SLC26A2: variants seen among roughly 807,000 people sequenced by gnomAD.
SLC26A2 encodes the protein sulfate transporter.
Under a neutral mutation model 41.1 loss-of-function variants are expected in SLC26A2, and 36 were observed. The observed-to-expected ratio is 0.88, with a 90% CI of 0.67 to 1.16. The LOEUF (loss-of-function observed/expected upper bound fraction) is 1.16, where lower values mean the gene tolerates loss of function less well. SLC26A2 is among the 50% of genes most tolerant of loss of function. The pLI is 0.00. For synonymous variants in SLC26A2, 291 were observed against 311.6 expected, an observed-to-expected ratio of 0.93 and a Z score of 0.70; for missense variants, 796 against 869.6, an observed-to-expected ratio of 0.92 and a Z score of 1.07.
At position 149,986,872 on chromosome 5, in the gene SLC26A2, CT is replaced by C. The variant is rs1755208436; in HGVS notation, c.*5061del. ...ATAAGATACATGGGATCAAATAGCC[CT>C]TGCCTTTTCAACACAAATCAGTTGG... On this transcript the variant is annotated 3_prime_UTR_variant, in exon 3 of 3. Transcript: ENST00000286298. 1 of 152,180 alleles carries C rather than the reference CT, an allele frequency of 6.6e-6. No homozygotes were observed. The highest frequency in any genetic ancestry group is 1.5e-5 in the Non-Finnish European group (1 of 68,038). The allele number at this position is 152,180 out of a possible 1,614,324, so 9.4% of individuals were successfully genotyped here.
rs1469731472 is a variant in SLC26A2 at position 149,978,258 on chromosome 5, A to G, written c.606A>G (p.Thr202=). The change falls in exon 2 of 3, where the codon ACA becomes ACG. Residue 202 remains threonine, a synonymous_variant. Coordinates refer to ENST00000286298, the MANE Select transcript of SLC26A2 (RefSeq NM_000112.4). ...TAGGAATGGTTTCAAATGGGAGCAC[A>G]TTATTAAATCATACATCAGACAGGA... ...PSLGMVSNGS[T]LLNHTSDRIC... 5 of 1,614,044 alleles carry G rather than the reference A, an allele frequency of 3.1e-6. No individual in the cohort carries two copies. Among genetic ancestry groups the G allele is most frequent in the African/African-American group, 1.3e-5 (1 of 74,950 alleles).
chr5:149,961,665 AT>A (rs1338387366), intron 1 of SLC26A2, among the ~76,000 whole-genome samples: 3 of 152,146 alleles, frequency 2.0e-5, no homozygotes, highest in Admixed American at 6.6e-5. Context: ...CAGAACTTAA[AT>A]TGCCTTCCGG....
Position 149,978,121 on chromosome 5 carries a change from T to A in SLC26A2, c.469T>A (p.Ser157Thr). Residue 157 changes from serine to threonine, a missense_variant, in exon 2 of 3, where the codon TCC becomes ACC. Physicochemically the swap from Ser to Thr is moderately conservative, Grantham distance 58 (BLOSUM62 1). Transcript: ENST00000286298. ...CATCATTTATTTTCTCTTGGGTACCTCCCGTCACATCTCTGTGGGCATTTT... is the reference window on the plus strand; with the variant it reads ...CATCATTTATTTTCTCTTGGGTACCACCCGTCACATCTCTGTGGGCATTTT... ...ASIIYFLLGT[S>T]RHISVGIFGV... 1 of 1,604,690 alleles carries A rather than the reference T, an allele frequency of 6.2e-7. No individual in the cohort carries two copies. The highest frequency in any genetic ancestry group is 1.7e-5 in the Admixed American group (1 of 59,236).
At chr5:149,969,178 G>GT (rs1389208662) in intron 1 of SLC26A2, among the ~76,000 whole-genome samples, 2 of 152,172 alleles carry the variant, frequency 1.3e-5, no homozygotes, top group African/African-American at 4.8e-5. Flanking sequence ...GATACTTCCT[G>GT]TATGTGCCTA....
Position 149,982,102 on chromosome 5 carries a change from T to G in SLC26A2, c.*289T>G, listed in dbSNP as rs1286641028. On this transcript the variant is annotated 3_prime_UTR_variant, in exon 3 of 3. Transcript: ENST00000286298. ...CTGTACTGTAAAGTAGCTCCAAAAC[T>G]TAATTACTCTCCTGTTTTAGGGGTT... 14 of 329,246 alleles carry G rather than the reference T, an allele frequency of 4.3e-5. No homozygotes were observed. In the East Asian group the frequency reaches 8.4e-4, roughly 20 times the overall value. The allele number at this position is 329,246 out of a possible 1,614,324, so 20.4% of individuals were successfully genotyped here.
In SLC26A2 at chr5:149,978,304, G is replaced by A; in HGVS notation, c.652G>A (p.Ala218Thr). ...SDRICDKSCY[A>T]IMVGSTVTFI... Reference sequence around the variant, plus strand: ...CAGGATATGTGACAAAAGTTGCTATGCAATTATGGTTGGCAGCACTGTAAC... The same window carrying A: ...CAGGATATGTGACAAAAGTTGCTATACAATTATGGTTGGCAGCACTGTAAC... The change falls in exon 2 of 3, where the codon GCA becomes ACA. Residue 218 changes from alanine (A) to threonine (T), a missense_variant. Coordinates refer to ENST00000286298, the MANE Select transcript of SLC26A2 (RefSeq NM_000112.4). 13 of 1,613,910 alleles carry A rather than the reference G, an allele frequency of 8.1e-6. No homozygotes were observed. The highest frequency in any genetic ancestry group is 1.1e-5 in the South Asian group (1 of 91,078).
At chr5:149,973,862 G>A (rs1271663979) in intron 1 of SLC26A2, among the ~76,000 whole-genome samples, 1 of 152,142 alleles carries the variant, frequency 6.6e-6, no homozygotes, top group Non-Finnish European at 1.5e-5. Flanking sequence ...TATTTCTGGG[G>A]TCAGATGTGG....
chr5:149,970,130 C>T (rs959888328), intron 1 of SLC26A2, among the ~76,000 whole-genome samples: 3 of 151,946 alleles, frequency 2.0e-5, no homozygotes, highest in African/African-American at 7.3e-5. Flanking sequence ...AAAATAAAGC[C>T]AGATAAGGAT....
chr5:149,963,765 G>A (rs146059271), intron 1 of SLC26A2, among the ~76,000 whole-genome samples: 335 of 32,354 alleles, frequency 0.01, 3 homozygotes, highest in African/African-American at 0.084. Context: ...TTTTTTTTGT[G>A]GAGACAAGAT....
chr5:149,978,028 T>C lies in SLC26A2; in HGVS notation c.376T>C (p.Ser126Pro), dbSNP rs1178654243. The change falls in exon 2 of 3, where the codon TCC becomes CCC. Residue 126 changes from serine to proline, a missense_variant. Transcript: ENST00000286298. ...LIVGILLVPQ[S>P]IAYSLLAGQE... ...TGTGGGCATATTATTGGTGCCCCAGTCCATTGCTTATTCCCTGCTGGCTGG... is the reference window on the plus strand; with the variant it reads ...TGTGGGCATATTATTGGTGCCCCAGCCCATTGCTTATTCCCTGCTGGCTGG... 3 of 1,614,064 alleles carry C rather than the reference T, an allele frequency of 1.9e-6. No homozygotes were observed. In the East Asian group the frequency reaches 6.7e-5, roughly 36 times the overall value.
In SLC26A2 at chr5:149,980,662, A is replaced by G; in HGVS notation, c.1069A>G (p.Asn357Asp). The change falls in exon 3 of 3, where the codon AAT (asparagine) becomes GAT (aspartate). Residue 357 changes from asparagine (N) to aspartate (D), a missense_variant. Asn to Asp is a conservative substitution (Grantham distance 23). Transcript: ENST00000286298. ...SHFGKLHENY[N>D]SSIAGHIPTG... ...TTTTGGAAAACTACATGAAAATTAT[A>G]ATTCTAGTATTGCTGGACATATTCC... is the stretch of plus-strand genomic sequence containing the variant. The G allele has an allele frequency of 6.2e-7, 1 of 1,614,024 alleles. No individual in the cohort carries two copies. The highest frequency in any genetic ancestry group is 8.5e-7 in the Non-Finnish European group (1 of 1,179,942).
Position 149,980,764 on chromosome 5 carries a change from A to C in SLC26A2, c.1171A>C (p.Ile391Leu). 1.2e-6 allele frequency: 2 copies of C among 1,614,058 alleles called. No individual in the cohort carries two copies. Among genetic ancestry groups the C allele is most frequent in the Non-Finnish European group, 1.7e-6 (2 of 1,179,994 alleles). Residue 391 changes from isoleucine (I) to leucine (L), a missense_variant, in exon 3 of 3, where the codon ATC becomes CTC. Transcript: ENST00000286298. ...GGCTGTAGATGCAATAGCTATTTCC[A>C]TCATTGGTTTTGCTATCACTGTATC... ...SVAVDAIAISIIGFAITVSLS... is the reference protein window; with the variant it reads ...SVAVDAIAISLIGFAITVSLS...
At chr5:149,962,910 A>G (rs927005658) in intron 1 of SLC26A2, among the ~76,000 whole-genome samples, 1 of 152,192 alleles carries the variant, frequency 6.6e-6, no homozygotes, top group Non-Finnish European at 1.5e-5. Flanking sequence ...GACACTGAGA[A>G]TACAGCTTTG....
At chr5:149,964,503 C>T (rs773717509) in intron 1 of SLC26A2, among the ~76,000 whole-genome samples, 21 of 150,482 alleles carry the variant, frequency 1.4e-4, no homozygotes, top group Non-Finnish European at 2.5e-4. Context: ...AATAGCCAGG[C>T]GTGGTGGCTC....
intron 1 of SLC26A2, among the ~76,000 whole-genome samples, chr5:149,976,152 T>G (rs899428984): frequency 2.7e-5 from 4 of 148,032 alleles, no homozygotes; most frequent in African/African-American, 1.0e-4. Context: ...AGTGAAACTC[T>G]GTCTCAAAAA....
rs768964077 is a variant in SLC26A2 at position 149,977,673 on chromosome 5, G to A, written c.21G>A (p.Glu7=). 5 of 1,613,576 alleles carry A rather than the reference G, an allele frequency of 3.1e-6. No homozygotes were observed. The highest frequency in any genetic ancestry group is 4.2e-6 in the Non-Finnish European group (5 of 1,179,554). The change falls in exon 2 of 3, where the codon GAG becomes GAA. Residue 7 remains glutamate (E), a synonymous_variant. Transcript: ENST00000286298. ...CAGAAATGTCTTCAGAAAGTAAAGAGCAACATAACGTTTCACCCAGAGACT... is the reference window on the plus strand; with the variant it reads ...CAGAAATGTCTTCAGAAAGTAAAGAACAACATAACGTTTCACCCAGAGACT... MSSESK[E]QHNVSPRDSA...
At chr5:149,979,330 A>C (rs1228432165) in intron 2 of SLC26A2, among the ~76,000 whole-genome samples, 1 of 152,178 alleles carries the variant, frequency 6.6e-6, no homozygotes, top group African/African-American at 2.4e-5. Context: ...GTTGGTGCTC[A>C]GATGAGTGGG....
chr5:149,975,412 G>A (rs1156888085), intron 1 of SLC26A2, among the ~76,000 whole-genome samples: 1 of 152,138 alleles, frequency 6.6e-6, no homozygotes, highest in East Asian at 1.9e-4. Flanking sequence ...GCAAGATTTG[G>A]ATTCCCTTAG....
chr5:149,977,674 C>CAACATAACG lies in SLC26A2; in HGVS notation c.23_31dup (p.Asn10_Val11insGluHisAsn). On this transcript the variant is annotated inframe_insertion, in exon 2 of 3. Coordinates refer to ENST00000286298, the MANE Select transcript of SLC26A2 (RefSeq NM_000112.4). ...AGAAATGTCTTCAGAAAGTAAAGAG[C>CAACATAACG]AACATAACGTTTCACCCAGAGACTC... is the stretch of plus-strand genomic sequence containing the variant. 1 of 1,613,446 alleles carries CAACATAACG rather than the reference C, an allele frequency of 6.2e-7. No individual in the cohort carries two copies. Among genetic ancestry groups the CAACATAACG allele is most frequent in the Non-Finnish European group, 8.5e-7 (1 of 1,179,446 alleles).
Sources: allele counts gnomAD v4.1 joint callset (sites outside exome capture counted in the v4.1 genomes callset), GRCh38; gene constraint gnomAD v4.1.1; transcripts MANE v1.5; gene names NCBI Gene and HGNC (gene_info 2026-07-23, HGNC 2026-07-21).